Variants in RAB3IL1 observed in about 807,000 individuals in gnomAD.
The protein encoded by RAB3IL1 is RAB3A interacting protein like 1.
Under a neutral mutation model 49.2 loss-of-function variants are expected in RAB3IL1, and 37 were observed. The observed-to-expected ratio is 0.75, with a 90% confidence interval of 0.58 to 0.99. RAB3IL1 has a LOEUF of 0.99. Among genes scored for constraint, RAB3IL1 ranks in the 50% least tolerant of loss-of-function variants. The probability of loss-of-function intolerance (pLI) is 0.00; values close to 1 mark genes in which losing one functional copy is unlikely to be tolerated. For synonymous variants in RAB3IL1, 193 were observed against 213.9 expected (o/e 0.90, Z 0.85); for missense variants, 484 against 513.0 (o/e 0.94, Z 0.55).
chr11:61,922,562 T>C (rs1223605698), upstream of RAB3IL1, among the ~76,000 whole-genome samples: 1 of 151,798 alleles, frequency 6.6e-6, no homozygotes, highest in Non-Finnish European at 1.5e-5. Context: ...ATTTGTGAAG[T>C]GTCTGCCACA....
rs1938783152 is a variant in RAB3IL1 at position 61,899,351 on chromosome 11, G to A, written c.1029C>T (p.Tyr343=). Residue 343 remains tyrosine (Y), a synonymous_variant, in exon 9 of 10, where the codon TAC becomes TAT. Transcript: ENST00000394836. The part of the protein sequence containing the change: ...RITAVCNFFT[Y]IRYIQQGLVR... Reference sequence around the variant, plus strand: ...CCAGGCCTTGCTGGATGTAGCGGATGTAGGTGAAGAAGTTGCACACTGCGG... The same window carrying A: ...CCAGGCCTTGCTGGATGTAGCGGATATAGGTGAAGAAGTTGCACACTGCGG... 6.2e-7 allele frequency: 1 copy of A among 1,609,272 alleles called. No homozygotes were observed. Among genetic ancestry groups the A allele is most frequent in the African/African-American group, 1.3e-5 (1 of 75,070 alleles).
At chr11:61,930,758 C>T in the RAB3IL1 span, among the ~76,000 whole-genome samples, 1 of 152,134 alleles carries the variant, frequency 6.6e-6, no homozygotes, top group Non-Finnish European at 1.5e-5. Flanking sequence ...GTCTGGGCAA[C>T]ACAGCAAGAC....
At chr11:61,922,545 A>T (rs982544001), upstream of RAB3IL1, among the ~76,000 whole-genome samples, 1 of 151,874 alleles carries the variant, frequency 6.6e-6, no homozygotes, top group Non-Finnish European at 1.5e-5. Flanking sequence ...AAGAAGAAGA[A>T]GATAACATTT....
intron 1 of RAB3IL1, among the ~76,000 whole-genome samples, chr11:61,913,593 C>T (rs778345759): frequency 7.2e-5 from 11 of 152,158 alleles, no homozygotes; most frequent in Non-Finnish European, 1.2e-4. Flanking sequence ...CAGCACAGGG[C>T]CTAGGAGGGG....
intron 9 of RAB3IL1, among the ~76,000 whole-genome samples, chr11:61,899,091 G>A (rs1185192889): frequency 2.6e-5 from 4 of 152,236 alleles, no homozygotes; most frequent in African/African-American, 7.2e-5. Context: ...GTGCGGGGCC[G>A]GGAGAGGTTT....
At position 61,906,821 on chromosome 11, in the gene RAB3IL1, C is replaced by A; in HGVS notation, c.439-137G>T. On this transcript the variant is annotated intron_variant, in intron 4 of 9. Coordinates refer to ENST00000394836, the MANE Select transcript of RAB3IL1 (RefSeq NM_013401.4). This position sits in a 1 kb window ranked among gnomAD's most constrained non-coding sequence, Gnocchi z 4.6. ...GTCCCACCCGACGCCCTCAGAACAG[C>A]CTTCGAGGCAGAGACCCAGACACTC... 1.2e-6 allele frequency: 1 copy of A among 826,544 alleles called. No individual in the cohort carries two copies. Among genetic ancestry groups the A allele is most frequent in the Non-Finnish European group, 2.0e-6 (1 of 502,548 alleles). The allele number at this position is 826,544 out of a possible 1,614,324, so 51.2% of individuals were successfully genotyped here. A position where few individuals can be genotyped will look rare whatever the true frequency, so the allele number is the denominator to read the frequency against.
Position 61,898,589 on chromosome 11 carries a change from A to G in RAB3IL1, c.1067-229T>C, listed in dbSNP as rs888900912. ...CACCCGAGGGATCTGTTTGCACTACACTGACGGCCACCCCCACAGCCCGAC... is the reference window on the plus strand; with the variant it reads ...CACCCGAGGGATCTGTTTGCACTACGCTGACGGCCACCCCCACAGCCCGAC... On this transcript the variant is annotated intron_variant, in intron 9 of 9. Coordinates refer to ENST00000394836, the MANE Select transcript of RAB3IL1 (RefSeq NM_013401.4). The surrounding 1 kb of genome is among the most constrained non-coding windows in gnomAD (Gnocchi z 5.1). 2.6e-5 allele frequency among the ~76,000 whole-genome samples: 4 copies of G among 152,100 alleles called. No individual in the cohort carries two copies. Among genetic ancestry groups the G allele is most frequent in the Non-Finnish European group, 5.9e-5 (4 of 68,010 alleles).
chr11:61,902,306 T>A, intron 8 of RAB3IL1, 136 bp downstream of exon 8: 1 of 776,968 alleles, frequency 1.3e-6, no homozygotes, highest in South Asian at 2.0e-5. Context: ...TGACAAAGAC[T>A]CTGTCTCAAA....
rs1175979952 is a variant in RAB3IL1, at chr11:61,916,658, T to C, written c.11+699A>G. ...TTTCCCGGCCACGGGGAAGAGGAAG[T>C]GTTTGCCCAACTCCACAAAAACACC... On this transcript the variant is annotated intron_variant, in intron 1 of 9. Coordinates refer to ENST00000394836, the MANE Select transcript of RAB3IL1 (RefSeq NM_013401.4). Among the ~76,000 whole-genome samples, 4 of 152,188 alleles carry C rather than the reference T, an allele frequency of 2.6e-5. No individual in the cohort carries two copies. In the East Asian group the frequency reaches 5.8e-4, roughly 22 times the overall value.
chr11:61,923,741 C>T (rs908054379), upstream of RAB3IL1, among the ~76,000 whole-genome samples: 1 of 152,202 alleles, frequency 6.6e-6, no homozygotes, highest in Non-Finnish European at 1.5e-5. Flanking sequence ...CTGGCTGCCC[C>T]TCCCTCCGCC....
intron 5 of RAB3IL1, among the ~76,000 whole-genome samples, chr11:61,905,737 CA>C (rs1939152938): frequency 6.6e-6 from 1 of 152,174 alleles, no homozygotes. Context: ...GCCAGGGACC[CA>C]GGAAGCTGAA....
rs368742100 is a variant in RAB3IL1, at chr11:61,898,274, C to T, written c.*4G>A. On this transcript the variant is annotated 3_prime_UTR_variant, in exon 10 of 10. Coordinates refer to ENST00000394836, the MANE Select transcript of RAB3IL1 (RefSeq NM_013401.4). This position sits in a 1 kb window ranked among gnomAD's most constrained non-coding sequence, Gnocchi z 5.1. The stretch of plus-strand genomic sequence containing the variant: ...AGAGCTCCCCTTCAGGCCTGGGCCG[C>T]GCCCTAAGCCTCCTGGGGGAAGAAG... 23 of 1,612,212 alleles carry T rather than the reference C, an allele frequency of 1.4e-5. No individual in the cohort carries two copies. Among genetic ancestry groups the T allele is most frequent in the Admixed American group, 1.7e-5 (1 of 59,990 alleles).
chr11:61,919,431 C>T (rs1347105694), upstream of RAB3IL1, among the ~76,000 whole-genome samples: 1 of 152,232 alleles, frequency 6.6e-6, no homozygotes, highest in Non-Finnish European at 1.5e-5. Flanking sequence ...GAGGACCCTC[C>T]TGCTCAGCTG....
chr11:61,926,792 A>G, the RAB3IL1 span, among the ~76,000 whole-genome samples: 43 of 151,874 alleles, frequency 2.8e-4, no homozygotes, highest in African/African-American at 1.0e-3. Flanking sequence ...TGACCCTGTG[A>G]TCTGCCCGCC....
intron 1 of RAB3IL1, among the ~76,000 whole-genome samples, chr11:61,915,963 G>A (rs1939664007): frequency 6.6e-6 from 1 of 151,658 alleles, no homozygotes; most frequent in South Asian, 2.1e-4. Flanking sequence ...GTGTGAACCT[G>A]GGAGGTGGAG....
In RAB3IL1 at chr11:61,902,483, A is replaced by G. The variant is rs1431190717; in HGVS notation, c.958T>C (p.Ser320Pro). 6.2e-7 allele frequency: 1 copy of G among 1,603,072 alleles called. No homozygotes were observed. The highest frequency in any genetic ancestry group is 8.5e-7 in the Non-Finnish European group (1 of 1,176,516). ...GGCGAGATGTAGTAATGGCTTTTGG[A>G]GTCCCCGAGCCGGATTCGGTGGCGG... Reference protein sequence around the residue: ...TCRHRIRLGDSKSHYYISPSS... With the variant: ...TCRHRIRLGDPKSHYYISPSS... Residue 320 changes from serine (S) to proline (P), a missense_variant, in exon 8 of 10, where the codon TCC becomes CCC. Transcript: ENST00000394836.
At chr11:61,904,338 AG>A (rs927625715) in intron 7 of RAB3IL1, among the ~76,000 whole-genome samples, 1 of 152,152 alleles carries the variant, frequency 6.6e-6, no homozygotes, top group Admixed American at 6.5e-5. Context: ...CAGACCAGTC[AG>A]GAAGAGGCAG....
At chr11:61,936,181 C>T in the RAB3IL1 span, among the ~76,000 whole-genome samples, 113 of 152,064 alleles carry the variant, frequency 7.4e-4, no homozygotes, top group Non-Finnish European at 1.6e-4. Flanking sequence ...AGCATAACAA[C>T]ATATGCATAA....
intron 1 of RAB3IL1, among the ~76,000 whole-genome samples, chr11:61,909,574 C>T (rs1939369028): frequency 6.6e-6 from 1 of 152,240 alleles, no homozygotes; most frequent in Non-Finnish European, 1.5e-5. Flanking sequence ...AAGCTGGGTC[C>T]TGCCTGGCAG....
Sources: allele counts gnomAD v4.1 joint callset (sites outside exome capture counted in the v4.1 genomes callset), GRCh38; gene constraint gnomAD v4.1.1; non-coding constraint Gnocchi (gnomAD v3.1); transcripts MANE v1.5; gene names NCBI Gene and HGNC (gene_info 2026-07-23, HGNC 2026-07-21).